The following ZNF320 variants were observed in gnomAD, a reference collection of about 807,000 sequenced individuals.
ZNF320 encodes zinc finger gene 320.
In ZNF320, 2 loss-of-function variants were observed where a neutral mutation model predicts 6.8. The observed-to-expected ratio is 0.29, with a 90% CI of 0.12 to 0.93. The LOEUF (loss-of-function observed/expected upper bound fraction) is 0.93, where lower values mean the gene tolerates loss of function less well. Among genes scored for constraint, ZNF320 ranks in the 40% least tolerant of loss-of-function variants. ZNF320 has a pLI of 0.55. For synonymous variants in ZNF320, 208 were observed against 203.2 expected (o/e 1.02, Z -0.20); for missense variants, 472 against 611.0 (o/e 0.77, Z 2.40).
chr19:52,866,869 C>CAAAAAAAAAAAAAA (rs58231328), intron 5 of ZNF320, among the ~76,000 whole-genome samples: 11 of 108,914 alleles, frequency 1.0e-4, no homozygotes, highest in Admixed American at 2.2e-4. Flanking sequence ...ACAAAACATA[C>CAAAAAAAAAAAAAA]AAAAAAAAAA....
chr19:52,870,749 G>A (rs940354324), intron 5 of ZNF320, among the ~76,000 whole-genome samples: 1 of 152,108 alleles, frequency 6.6e-6, no homozygotes, highest in African/African-American at 2.4e-5. Context: ...CTGGGCAACA[G>A]AGGGAGACTC....
exon 6 of ZNF320, chr19:52,863,812 A>G (rs1246453612): frequency 9.6e-6 from 2 of 208,274 alleles, no homozygotes; most frequent in Non-Finnish European, 1.9e-5. Flanking sequence ...GCGGGTGGGT[A>G]TGGAGGTCAG....
downstream of ZNF320, among the ~76,000 whole-genome samples, chr19:52,871,575 C>T (rs1228556927): frequency 3.9e-5 from 6 of 152,096 alleles, no homozygotes; most frequent in African/African-American, 9.7e-5. Flanking sequence ...AAACTTCTTT[C>T]GAGGTCTACG....
At chr19:52,890,159 A>C in intron 4 of ZNF320, 82 bp downstream of exon 4, 1 of 1,573,912 alleles carries the variant, frequency 6.4e-7, no homozygotes. Flanking sequence ...GATGCTTCAG[A>C]CTAAGAGAAG....
the ZNF320 span, among the ~76,000 whole-genome samples, chr19:52,903,245 A>G: frequency 6.6e-6 from 1 of 152,242 alleles, no homozygotes; most frequent in Admixed American, 6.5e-5. Context: ...ACTTTTAGCA[A>G]ACTTCACTTT....
chr19:52,859,910 CTTTCTT>C (rs2063476794), downstream of ZNF320, among the ~76,000 whole-genome samples: 2 of 127,836 alleles, frequency 1.6e-5, no homozygotes, highest in African/African-American at 2.9e-5. Context: ...TTAAGTTTTT[CTTTCTT>C]TTTTTTTTTT....
downstream of ZNF320, among the ~76,000 whole-genome samples, chr19:52,873,077 G>T (rs1047857969): frequency 1.3e-5 from 2 of 152,162 alleles, no homozygotes; most frequent in African/African-American, 4.8e-5. Flanking sequence ...TCAGTAAATA[G>T]AATGTACAAT....
chr19:52,873,688 G>A (rs1337727260), downstream of ZNF320, among the ~76,000 whole-genome samples: 1 of 152,110 alleles, frequency 6.6e-6, no homozygotes, highest in African/African-American at 2.4e-5. Context: ...TCCAGATGTG[G>A]CCCTTGAACA....
At chr19:52,882,673 T>C (rs2063958577) in intron 5 of ZNF320, among the ~76,000 whole-genome samples, 1 of 152,118 alleles carries the variant, frequency 6.6e-6, no homozygotes. Flanking sequence ...CAGGGGGTGG[T>C]GGCTCGCGCC....
chr19:52,862,738 A>T (rs1445734259), exon 6 of ZNF320: 2 of 412,242 alleles, frequency 4.9e-6, no homozygotes, highest in East Asian at 1.2e-4. Flanking sequence ...AAACCTTTTC[A>T]CAAACCTTAC....
chr19:52,899,757 G>A (rs1050561342), upstream of ZNF320, among the ~76,000 whole-genome samples: 1 of 152,182 alleles, frequency 6.6e-6, no homozygotes, highest in Admixed American at 6.5e-5. Flanking sequence ...CACCGCGCCC[G>A]GTGATAGATA....
chr19:52,868,685 CAAGAA>C (rs779368790), intron 5 of ZNF320, among the ~76,000 whole-genome samples: 35 of 152,104 alleles, frequency 2.3e-4, no homozygotes, highest in South Asian at 6.2e-4. Context: ...AATAGTCCAC[CAAGAA>C]AGTACAGAAA....
upstream of ZNF320, among the ~76,000 whole-genome samples, chr19:52,898,189 C>T (rs867021788): frequency 6.6e-5 from 10 of 152,350 alleles, no homozygotes; most frequent in South Asian, 1.2e-3. Flanking sequence ...AATAGCAAAT[C>T]CTCTCCCTTT....
Position 52,880,998 on chromosome 19 carries a change from C to T in ZNF320, c.1128G>A (p.Gln376=). The T allele has an allele frequency of 6.2e-7, 1 of 1,613,722 alleles. No homozygotes were observed. The highest frequency in any genetic ancestry group is 8.5e-7 in the Non-Finnish European group (1 of 1,179,936). Residue 376 remains glutamine, a synonymous_variant, in exon 6 of 6, where the codon CAG becomes CAA. Transcript: ENST00000682928. Reference sequence around the variant, plus strand: ...AAGGTCTCTCTCCAGTATGAACTCTCTGATGTTCTGCAAGACGTGAATCAC... The same window carrying T: ...AAGGTCTCTCTCCAGTATGAACTCTTTGATGTTCTGCAAGACGTGAATCAC... ...FRSDSRLAEH[Q]RVHTGERPYT...
chr19:52,899,672 AG>A (rs1318389494), upstream of ZNF320, among the ~76,000 whole-genome samples: 1 of 152,078 alleles, frequency 6.6e-6, no homozygotes, highest in African/African-American at 2.4e-5. Flanking sequence ...TGTGTTAGCC[AG>A]GATGGTCTTG....
At chr19:52,870,814 A>C (rs965363431) in intron 5 of ZNF320, among the ~76,000 whole-genome samples, 7 of 152,152 alleles carry the variant, frequency 4.6e-5, no homozygotes, top group Non-Finnish European at 7.3e-5. Context: ...TACACCACTG[A>C]TGTGTATCTT....
chr19:52,884,969 G>A (rs1239386676), intron 5 of ZNF320, among the ~76,000 whole-genome samples: 1 of 152,058 alleles, frequency 6.6e-6, no homozygotes, highest in East Asian at 1.9e-4. Context: ...AGGATGAGGT[G>A]GGAGATTCCT....
chr19:52,897,939 G>T (rs1330608272), upstream of ZNF320, among the ~76,000 whole-genome samples: 1 of 152,216 alleles, frequency 6.6e-6, no homozygotes, highest in Admixed American at 6.5e-5. Flanking sequence ...TCCAGGTTTT[G>T]GAGGCGAAAG....
downstream of ZNF320, among the ~76,000 whole-genome samples, chr19:52,860,605 A>AAAAAG (rs796144742): frequency 5.5e-3 from 831 of 151,848 alleles, 17 homozygotes; most frequent in African/African-American, 0.019. Flanking sequence ...ATCAAAAAAA[A>AAAAAG]AAAAAGAAAA....
Sources: allele counts gnomAD v4.1 joint callset (sites outside exome capture counted in the v4.1 genomes callset), GRCh38; gene constraint gnomAD v4.1.1; transcripts MANE v1.5; gene names NCBI Gene and HGNC (gene_info 2026-07-23, HGNC 2026-07-21).